Variants in CUX2 observed in about 807,000 individuals in gnomAD.
The protein encoded by CUX2 is homeobox protein cut-like 2.
CUX2 carries 40 observed loss-of-function variants against 144.8 expected under a neutral mutation model. The observed-to-expected ratio is 0.28, with a 90% CI of 0.21 to 0.36. The LOEUF (loss-of-function observed/expected upper bound fraction) is 0.36. Among genes scored for constraint, CUX2 ranks in the 10% least tolerant of loss-of-function variants. CUX2 has a pLI of 1.00. For synonymous variants in CUX2, 827 were observed against 875.6 expected, an observed-to-expected ratio of 0.94 and a Z score of 0.98; for missense variants, 1,615 against 1,994.0, an observed-to-expected ratio of 0.81 and a Z score of 3.62.
At chr12:111,065,282 G>A (rs1870971588) in intron 1 of CUX2, among the ~76,000 whole-genome samples, 4 of 152,238 alleles carry the variant, frequency 2.6e-5, no homozygotes, top group Admixed American at 6.5e-5. Context: ...GGCTGGATTT[G>A]ACCCAGGGCC....
Position 111,310,032 on chromosome 12 carries a change from GTGTT to G in CUX2, c.1259-8_1259-5del. 2 of 1,294,808 alleles carry G rather than the reference GTGTT, an allele frequency of 1.5e-6. No homozygotes were observed. The highest frequency in any genetic ancestry group is 2.0e-6 in the Non-Finnish European group (2 of 1,021,192). The allele number at this position is 1,294,808 out of a possible 1,614,324, so 80.2% of individuals were successfully genotyped here. ...TCTGTCTGTCTGTCTGTCTGTCTGG[GTGTT>G]CTAGAGGAAGACCCATCAGAGGACG... On this transcript the variant is annotated splice_region_variant and splice_polypyrimidine_tract_variant and intron_variant, in intron 14 of 21. Coordinates refer to ENST00000261726, the MANE Select transcript of CUX2 (RefSeq NM_015267.4). The surrounding 1 kb of genome is among the most constrained non-coding windows in gnomAD (Gnocchi z 7.9).
intron 16 of CUX2, among the ~76,000 whole-genome samples, chr12:111,318,238 C>CTTTTTTTT (rs955839240): frequency 7.3e-5 from 8 of 109,654 alleles, no homozygotes; most frequent in African/African-American, 2.4e-4. Flanking sequence ...ATTTTTTTTT[C>CTTTTTTTT]TTTTTTCTTT....
Position 111,059,508 on chromosome 12 carries a change from C to T in CUX2, c.63+25268C>T, listed in dbSNP as rs1870672187. Among the ~76,000 whole-genome samples, 1 of 152,140 alleles carries T rather than the reference C, an allele frequency of 6.6e-6. No individual in the cohort carries two copies. Among genetic ancestry groups the T allele is most frequent in the South Asian group, 2.1e-4 (1 of 4,822 alleles). ...TTTTCTATGAGGGCCCCATTGATGCCTCAGTTTCCCTCACCTTCCAAATGG... is the reference window on the plus strand; with the variant it reads ...TTTTCTATGAGGGCCCCATTGATGCTTCAGTTTCCCTCACCTTCCAAATGG... On this transcript the variant is annotated intron_variant, in intron 1 of 21. Coordinates refer to ENST00000261726, the MANE Select transcript of CUX2 (RefSeq NM_015267.4). This position sits in a 1 kb window ranked among gnomAD's most constrained non-coding sequence, Gnocchi z 5.3.
intron 1 of CUX2, among the ~76,000 whole-genome samples, chr12:111,204,319 A>C (rs1880784260): frequency 6.6e-6 from 1 of 152,210 alleles, no homozygotes; most frequent in South Asian, 2.1e-4. Flanking sequence ...CTGATGTCCC[A>C]CAGTTGTAAT....
chr12:111,126,463 C>CA (rs1875094091), intron 1 of CUX2, among the ~76,000 whole-genome samples: 1 of 152,132 alleles, frequency 6.6e-6, no homozygotes, highest in African/African-American at 2.4e-5. Flanking sequence ...CTCTGAAGGC[C>CA]AGCAGGCTCA....
rs956389605 is a variant in CUX2, at chr12:111,349,097, G to A, written c.*772G>A. ...GCCCAACCGTCCTATATGAGATGTA[G>A]CATGGTACAGAACAAACTGCTTACA... On this transcript the variant is annotated 3_prime_UTR_variant, in exon 22 of 22. Coordinates refer to ENST00000261726, the MANE Select transcript of CUX2 (RefSeq NM_015267.4). 6.6e-6 allele frequency: 1 copy of A among 152,544 alleles called. No individual in the cohort carries two copies. The allele number at this position is 152,544 out of a possible 1,614,324, so 9.4% of individuals were successfully genotyped here.
rs1592949137 is a variant in CUX2 at position 111,310,013 on chromosome 12, T to C, written c.1259-28T>C. ...CTCATCATCGTCTTCCCCGTCTGTC[T>C]GTCTGTCTGTCTGTCTGGGTGTTCT... On this transcript the variant is annotated intron_variant, in intron 14 of 21. Transcript: ENST00000261726. This position sits in a 1 kb window ranked among gnomAD's most constrained non-coding sequence, Gnocchi z 7.9. 2 of 1,280,368 alleles carry C rather than the reference T, an allele frequency of 1.6e-6. No individual in the cohort carries two copies. Among genetic ancestry groups the C allele is most frequent in the South Asian group, 3.2e-5 (1 of 31,396 alleles). The allele number at this position is 1,280,368 out of a possible 1,614,324, so 79.3% of individuals were successfully genotyped here. A position where few individuals can be genotyped will look rare whatever the true frequency, so the allele number is the denominator to read the frequency against.
intron 17 of CUX2, among the ~76,000 whole-genome samples, chr12:111,321,929 G>A (rs1170774201): frequency 1.3e-5 from 2 of 151,978 alleles, no homozygotes; most frequent in Non-Finnish European, 2.9e-5. Flanking sequence ...AGGGACATTA[G>A]GGAGGGTACT....
intron 3 of CUX2, among the ~76,000 whole-genome samples, chr12:111,257,068 G>C (rs1368644407): frequency 2.0e-5 from 3 of 152,144 alleles, no homozygotes; most frequent in Admixed American, 6.5e-5. Context: ...CATCCTCGGG[G>C]GACTAAACAC....
chr12:111,112,674 C>T (rs1368882688), intron 1 of CUX2, among the ~76,000 whole-genome samples: 1 of 152,214 alleles, frequency 6.6e-6, no homozygotes, highest in Non-Finnish European at 1.5e-5. Context: ...GGTAGCCGTA[C>T]TCTGTCCTGA....
At position 111,100,041 on chromosome 12, in the gene CUX2, G is replaced by A. The variant is rs551241685; in HGVS notation, c.63+65801G>A. On this transcript the variant is annotated intron_variant, in intron 1 of 21. Coordinates refer to ENST00000261726, the MANE Select transcript of CUX2 (RefSeq NM_015267.4). ...TATTTGCCGGTGGTGCTGCTGACGGGCCCTCGGAGCGGGGCTGTGTCTGGA... is the reference window on the plus strand; with the variant it reads ...TATTTGCCGGTGGTGCTGCTGACGGACCCTCGGAGCGGGGCTGTGTCTGGA... The A allele has an allele frequency of 1.3e-5, 6 of 456,916 alleles. No homozygotes were observed. In the East Asian group the frequency reaches 2.8e-4, roughly 21 times the overall value. 28.3% of individuals were successfully genotyped at this position (456,916 alleles called of 1,614,324 possible).
chr12:111,288,388 T>C (rs139707273), intron 4 of CUX2, among the ~76,000 whole-genome samples: 1 of 151,982 alleles, frequency 6.6e-6, no homozygotes, highest in African/African-American at 2.4e-5. Flanking sequence ...CACAGAGAGG[T>C]AGAGTCACTT....
At chr12:111,097,810 C>T (rs1872918648) in intron 1 of CUX2, among the ~76,000 whole-genome samples, 2 of 152,130 alleles carry the variant, frequency 1.3e-5, no homozygotes, top group South Asian at 4.1e-4. Context: ...CATTGGGCAC[C>T]AGGAATGGCG....
At chr12:111,336,611 C>A (rs1365246562) in intron 19 of CUX2, among the ~76,000 whole-genome samples, 4 of 151,824 alleles carry the variant, frequency 2.6e-5, no homozygotes, top group African/African-American at 4.8e-5. Flanking sequence ...CCACTCCTGG[C>A]TAATTTTTTT....
At chr12:111,162,532 A>G (rs577820050) in intron 1 of CUX2, among the ~76,000 whole-genome samples, 34 of 152,342 alleles carry the variant, frequency 2.2e-4, no homozygotes, top group African/African-American at 8.2e-4. Context: ...GAAGAACTCA[A>G]TGGCTCACTG....
intron 16 of CUX2, among the ~76,000 whole-genome samples, chr12:111,313,051 G>GCCT (rs1245556007): frequency 6.6e-6 from 1 of 152,024 alleles, no homozygotes; most frequent in Non-Finnish European, 1.5e-5. Flanking sequence ...AAGTTACTTA[G>GCCT]CCTCTTTGTG....
In CUX2 at chr12:111,320,468, A is replaced by C. The variant is rs777823538; in HGVS notation, c.2459A>C (p.Asn820Thr). 3.8e-6 allele frequency: 6 copies of C among 1,587,986 alleles called. No individual in the cohort carries two copies. In the African/African-American group the frequency reaches 6.7e-5, roughly 18 times the overall value. The part of the protein sequence containing the change: ...SSSSGYSGQP[N>T]GRAWPRGDEA... Reference sequence around the variant, plus strand: ...TCCTCTGGCTACTCTGGCCAGCCCAACGGCCGCGCCTGGCCCCGCGGGGAC... The same window carrying C: ...TCCTCTGGCTACTCTGGCCAGCCCACCGGCCGCGCCTGGCCCCGCGGGGAC... Residue 820 changes from asparagine to threonine, a missense_variant, in exon 17 of 22, where the codon AAC (asparagine) becomes ACC (threonine). This residue lies in a region of CUX2 where 390 missense variants were observed against 387.1 expected (regional missense o/e 1.01). Coordinates refer to ENST00000261726, the MANE Select transcript of CUX2 (RefSeq NM_015267.4). The surrounding 1 kb of genome is among the most constrained non-coding windows in gnomAD (Gnocchi z 8.1).
At chr12:111,038,041 G>A (rs190697509) in intron 1 of CUX2, among the ~76,000 whole-genome samples, 98 of 152,308 alleles carry the variant, frequency 6.4e-4, no homozygotes, top group Non-Finnish European at 9.3e-4. Flanking sequence ...AAGAGAGGCC[G>A]GACTTTTCCA....
At chr12:111,306,326 G>GT (rs35872348) in intron 10 of CUX2, among the ~76,000 whole-genome samples, 3,724 of 141,296 alleles carry the variant, frequency 0.026, 118 homozygotes, top group African/African-American at 0.075. Flanking sequence ...TGTTTGTTTG[G>GT]TTTTTTTTTT....
Sources: allele counts gnomAD v4.1 joint callset (sites outside exome capture counted in the v4.1 genomes callset), GRCh38; gene constraint gnomAD v4.1.1; regional missense constraint gnomAD v4.1.1; non-coding constraint Gnocchi (gnomAD v3.1); transcripts MANE v1.5; gene names NCBI Gene and HGNC (gene_info 2026-07-23, HGNC 2026-07-21).